ZNF654: variants seen among roughly 807,000 people sequenced by gnomAD.
ZNF654 encodes the protein melanoma-associated antigen.
ZNF654 carries 19 observed loss-of-function variants against 95.3 expected under a neutral mutation model. The observed-to-expected ratio is 0.20, with a 90% confidence interval of 0.14 to 0.29. ZNF654 has a LOEUF of 0.29. ZNF654 is among the 10% of genes least tolerant of loss of function. The probability of loss-of-function intolerance (pLI) is 1.00; values close to 1 mark genes in which losing one functional copy is unlikely to be tolerated. For synonymous variants in ZNF654, 413 were observed against 457.9 expected, an observed-to-expected ratio of 0.90 and a Z score of 1.25; for missense variants, 1,046 against 1,341.0, an observed-to-expected ratio of 0.78 and a Z score of 3.44.
At chr3:88,111,721 T>G (rs1455311740) in intron 2 of ZNF654, among the ~76,000 whole-genome samples, 1 of 151,970 alleles carries the variant, frequency 6.6e-6, no homozygotes, top group Non-Finnish European at 1.5e-5. Context: ...GTAGAACTGC[T>G]AGGTCAAATG....
chr3:88,101,830 A>G (rs1317889234), intron 2 of ZNF654, among the ~76,000 whole-genome samples: 1 of 152,130 alleles, frequency 6.6e-6, no homozygotes, highest in Non-Finnish European at 1.5e-5. Flanking sequence ...AATACTTTTT[A>G]TCTTTTTCAT....
At chr3:88,109,332 G>T (rs1704949051) in intron 2 of ZNF654, among the ~76,000 whole-genome samples, 1 of 152,066 alleles carries the variant, frequency 6.6e-6, no homozygotes, top group Non-Finnish European at 1.5e-5. Flanking sequence ...AGAAATTTCT[G>T]TAAGATACCA....
intron 2 of ZNF654, among the ~76,000 whole-genome samples, chr3:88,105,865 G>T (rs1704706009): frequency 6.6e-6 from 1 of 152,294 alleles, no homozygotes; most frequent in African/African-American, 2.4e-5. Context: ...GTATTAAGAG[G>T]TGGGACCTTT....
At position 88,059,258 on chromosome 3, in the gene ZNF654, C is replaced by G; in HGVS notation, c.-62C>G. 6.5e-7 allele frequency: 1 copy of G among 1,530,894 alleles called. No homozygotes were observed. Among genetic ancestry groups the G allele is most frequent in the Non-Finnish European group, 8.7e-7 (1 of 1,145,322 alleles). 94.8% of individuals were successfully genotyped at this position (1,530,894 alleles called of 1,614,324 possible). A position where few individuals can be genotyped will look rare whatever the true frequency, so the allele number is the denominator to read the frequency against. ...AACTAGAGAGGAGGAGGAGGTTAGC[C>G]TAGGCATCTACGGCGGCGGCGGCGG... is the stretch of plus-strand genomic sequence containing the variant. On this transcript the variant is annotated 5_prime_UTR_variant, in exon 1 of 9. Transcript: ENST00000636215.
chr3:88,064,322 A>G (rs570061436), intron 1 of ZNF654, among the ~76,000 whole-genome samples: 1 of 151,462 alleles, frequency 6.6e-6, no homozygotes, highest in African/African-American at 2.4e-5. Flanking sequence ...TTACTGTCTC[A>G]CTATTGATCT....
rs1230668809 is a variant in ZNF654 at position 88,135,049 on chromosome 3, T to A, written c.894-12T>A. The A allele has an allele frequency of 2.2e-6, 3 of 1,375,606 alleles. No individual in the cohort carries two copies. Among genetic ancestry groups the A allele is most frequent in the Non-Finnish European group, 2.8e-6 (3 of 1,066,572 alleles). The allele number at this position is 1,375,606 out of a possible 1,614,324, so 85.2% of individuals were successfully genotyped here. Reference sequence around the variant, plus strand: ...TGTATTTTTGATAATTCTCTTTTTTTCTCATTTACAGGGAGTTGATTTTCA... The same window carrying A: ...TGTATTTTTGATAATTCTCTTTTTTACTCATTTACAGGGAGTTGATTTTCA... On this transcript the variant is annotated splice_polypyrimidine_tract_variant and intron_variant, in intron 6 of 8. Transcript: ENST00000636215.
At chr3:88,132,069 T>C (rs1706497988) in intron 6 of ZNF654, among the ~76,000 whole-genome samples, 1 of 152,192 alleles carries the variant, frequency 6.6e-6, no homozygotes, top group African/African-American at 2.4e-5. Context: ...GCTTTATATA[T>C]GCACATGTCA....
intron 2 of ZNF654, among the ~76,000 whole-genome samples, chr3:88,109,212 A>G (rs978620399): frequency 1.3e-4 from 20 of 149,962 alleles, no homozygotes; most frequent in African/African-American, 4.7e-4. Context: ...TTCCTCCCTC[A>G]GTAAAGATGT....
intron 3 of ZNF654, among the ~76,000 whole-genome samples, chr3:88,125,443 AC>A (rs1488218776): frequency 6.6e-6 from 1 of 152,164 alleles, no homozygotes; most frequent in African/African-American, 2.4e-5. Flanking sequence ...TTTTTTAAAA[AC>A]CTAGAAAATG....
Position 88,141,670 on chromosome 3 carries a change from G to T in ZNF654, c.*18G>T. The T allele has an allele frequency of 6.7e-7, 1 of 1,502,416 alleles. No homozygotes were observed. 93.1% of individuals were successfully genotyped at this position (1,502,416 alleles called of 1,614,324 possible). ...GTGCCTGATGAAAACGGTTCAGAAA[G>T]ATCTGTCAATCAAGCAGTAGTGTGA... On this transcript the variant is annotated 3_prime_UTR_variant, in exon 9 of 9. Transcript: ENST00000636215.
At chr3:88,074,128 A>G (rs995233024) in intron 1 of ZNF654, among the ~76,000 whole-genome samples, 6 of 152,174 alleles carry the variant, frequency 3.9e-5, no homozygotes, top group African/African-American at 1.4e-4. Flanking sequence ...ACAAAGAAAA[A>G]TTAAAGTCTA....
At chr3:88,068,174 G>A (rs755874808) in intron 1 of ZNF654, among the ~76,000 whole-genome samples, 15 of 152,048 alleles carry the variant, frequency 9.9e-5, no homozygotes, top group Non-Finnish European at 2.2e-4. Flanking sequence ...TTTGATCATT[G>A]TGAATGCAGA....
At chr3:88,092,499 C>T (rs1401431798) in intron 2 of ZNF654, among the ~76,000 whole-genome samples, 2 of 152,094 alleles carry the variant, frequency 1.3e-5, no homozygotes, top group Non-Finnish European at 2.9e-5. Flanking sequence ...ACTTGCTGTA[C>T]TCTGAAGGAA....
rs1705197965 is a variant in ZNF654 at position 88,113,215 on chromosome 3, C to G, written c.414+19C>G. 1 of 1,465,140 alleles carries G rather than the reference C, an allele frequency of 6.8e-7. No homozygotes were observed. Among genetic ancestry groups the G allele is most frequent in the Non-Finnish European group, 9.2e-7 (1 of 1,085,518 alleles). The allele number at this position is 1,465,140 out of a possible 1,614,324, so 90.8% of individuals were successfully genotyped here. A position where few individuals can be genotyped will look rare whatever the true frequency, so the allele number is the denominator to read the frequency against. ...ATTCCAGGTAAAAAACAGTTTACTA[C>G]TTCACACTTTGTCTACACTTAAAAT... On this transcript the variant is annotated intron_variant, in intron 3 of 8. Transcript: ENST00000636215.
At chr3:88,119,426 A>C (rs1307823474) in intron 3 of ZNF654, among the ~76,000 whole-genome samples, 2 of 135,824 alleles carry the variant, frequency 1.5e-5, no homozygotes, top group African/African-American at 5.5e-5. Context: ...TAGCATTGGG[A>C]GATATACCTA....
chr3:88,073,525 A>G (rs1303267479), intron 1 of ZNF654, among the ~76,000 whole-genome samples: 33 of 152,228 alleles, frequency 2.2e-4, no homozygotes, highest in Admixed American at 2.2e-3. Context: ...TGGCTGAATA[A>G]GTGGCTGGAA....
chr3:88,103,741 T>TGAAA (rs1368100054), intron 2 of ZNF654, among the ~76,000 whole-genome samples: 1 of 149,796 alleles, frequency 6.7e-6, no homozygotes, highest in African/African-American at 2.4e-5. Context: ...TTTAAAGTGA[T>TGAAA]GAAAGAAAGA....
chr3:88,100,632 A>G (rs902642730), intron 2 of ZNF654, among the ~76,000 whole-genome samples: 7 of 152,198 alleles, frequency 4.6e-5, no homozygotes, highest in African/African-American at 1.4e-4. Flanking sequence ...ATGCAGCCAT[A>G]AAAAGGATGA....
chr3:88,122,379 T>A (rs1434768089), intron 3 of ZNF654, among the ~76,000 whole-genome samples: 1 of 152,190 alleles, frequency 6.6e-6, no homozygotes, highest in African/African-American at 2.4e-5. Context: ...TATGATAAAC[T>A]GCTGACGGAT....
Sources: gnomAD v4.1 joint callset for allele counts (sites outside exome capture counted in the v4.1 genomes callset) on GRCh38, gnomAD v4.1.1 for gene constraint, MANE v1.5 for transcripts, NCBI Gene and HGNC (gene_info 2026-07-23, HGNC 2026-07-21) for gene names.